The following KCNIP4 variants were observed in gnomAD, a reference collection of about 807,000 sequenced individuals.
KCNIP4 encodes Kv channel-interacting protein 4.
A neutral mutation model predicts 34.0 loss-of-function variants in KCNIP4; 12 were observed. The observed-to-expected ratio is 0.35, with a 90% CI of 0.23 to 0.57. KCNIP4 has a LOEUF of 0.57. KCNIP4 is among the 20% of genes least tolerant of loss of function. The pLI, the probability that KCNIP4 is intolerant of heterozygous loss-of-function variation, is 0.83. For synonymous variants in KCNIP4, 124 were observed against 102.2 expected (o/e 1.21, Z -1.29); for missense variants, 238 against 311.7 (o/e 0.76, Z 1.78).
At chr4:20,752,607 A>T (rs1011543521) in intron 4 of KCNIP4, 2 of 152,174 alleles carry the variant, frequency 1.3e-5, no homozygotes, top group African/African-American at 4.8e-5. Flanking sequence ...AATTTAATGC[A>T]ATTTTCTGCT....
At position 20,729,655 on chromosome 4, in the gene KCNIP4, T is replaced by A. The variant is rs1401769011; in HGVS notation, c.*427A>T. The A allele has an allele frequency of 7.2e-6, 1 of 139,482 alleles. No homozygotes were observed. The highest frequency in any genetic ancestry group is 1.6e-5 in the Non-Finnish European group (1 of 61,962). The allele number at this position is 139,482 out of a possible 1,614,324, so 8.6% of individuals were successfully genotyped here. A position where few individuals can be genotyped will look rare whatever the true frequency, so the allele number is the denominator to read the frequency against. The stretch of plus-strand genomic sequence containing the variant: ...TACAGCATTCAAACATGAAAATTAA[T>A]TTAATTTCTGGAAATTAAATGCAGA... On this transcript the variant is annotated 3_prime_UTR_variant, in exon 9 of 9. Transcript: ENST00000382152.
intron 1 of KCNIP4, among the ~76,000 whole-genome samples, chr4:21,135,032 T>C (rs1299692428): frequency 6.6e-6 from 1 of 152,176 alleles, no homozygotes; most frequent in Non-Finnish European, 1.5e-5. Context: ...GCTACAAAAT[T>C]CTCACATACG....
chr4:21,280,710 T>G (rs999806396), intron 1 of KCNIP4, among the ~76,000 whole-genome samples: 1 of 152,228 alleles, frequency 6.6e-6, no homozygotes, highest in Non-Finnish European at 1.5e-5. Flanking sequence ...GGTCACTAGA[T>G]CCTTGCAATG....
At chr4:21,564,167 T>C (rs576428726) in intron 1 of KCNIP4, among the ~76,000 whole-genome samples, 2 of 152,286 alleles carry the variant, frequency 1.3e-5, no homozygotes, top group East Asian at 3.9e-4. Flanking sequence ...GTAAAATAGA[T>C]TGTGGTTCTT....
intron 1 of KCNIP4, among the ~76,000 whole-genome samples, chr4:21,696,988 A>G (rs1053060462): frequency 3.0e-4 from 46 of 152,270 alleles, no homozygotes; most frequent in African/African-American, 1.1e-3. Context: ...CTGCAGGAAG[A>G]AAATCTGTGT....
chr4:21,834,761 T>A (rs1723213145), intron 1 of KCNIP4, among the ~76,000 whole-genome samples: 3 of 151,686 alleles, frequency 2.0e-5, no homozygotes. Flanking sequence ...TTTTGAAATA[T>A]GTCCCATCAA....
At chr4:21,913,229 AC>A (rs1267221904) in intron 1 of KCNIP4, among the ~76,000 whole-genome samples, 6 of 152,080 alleles carry the variant, frequency 3.9e-5, no homozygotes, top group Non-Finnish European at 7.4e-5. Context: ...CAGACCAGCT[AC>A]TTGGGAGGCT....
At chr4:21,756,234 T>C (rs1013043501) in intron 1 of KCNIP4, among the ~76,000 whole-genome samples, 5 of 152,194 alleles carry the variant, frequency 3.3e-5, no homozygotes, top group African/African-American at 9.6e-5. Context: ...GTTTACGTGC[T>C]GGTTTTAAAA....
chr4:20,759,161 CAT>C (rs768108747), intron 3 of KCNIP4, among the ~76,000 whole-genome samples: 21 of 152,184 alleles, frequency 1.4e-4, no homozygotes, highest in South Asian at 6.2e-4. Context: ...TTTAAGAACA[CAT>C]ATGTTTATTA....
rs576879116 is a variant in KCNIP4 at position 21,234,021 on chromosome 4, T to C, written c.62-351312A>G. 2.5e-5 allele frequency among the ~76,000 whole-genome samples: 3 copies of C among 120,988 alleles called. No homozygotes were observed. The South Asian group carries it at 7.4e-4, about 30-fold the overall frequency. 79.4% of individuals were successfully genotyped at this position (120,988 alleles called of 152,430 possible). A position where few individuals can be genotyped will look rare whatever the true frequency, so the allele number is the denominator to read the frequency against. On this transcript the variant is annotated intron_variant, in intron 1 of 8. Coordinates refer to ENST00000382152, the MANE Select transcript of KCNIP4 (RefSeq NM_025221.6). ...TATAATATATAACATATATAACATA[T>C]ATTATATATAACATATATAACATAT...
chr4:21,764,198 T>C (rs1718248308), intron 1 of KCNIP4, among the ~76,000 whole-genome samples: 1 of 152,098 alleles, frequency 6.6e-6, no homozygotes, highest in African/African-American at 2.4e-5. Context: ...TTTCAGACAA[T>C]TGCGTGGAGG....
chr4:21,317,097 C>T (rs781364313), intron 1 of KCNIP4, among the ~76,000 whole-genome samples: 10 of 152,196 alleles, frequency 6.6e-5, no homozygotes, highest in East Asian at 1.9e-4. Flanking sequence ...ACTTACAAGA[C>T]GATTTAGTGT....
At chr4:21,603,753 T>G (rs1743408904) in intron 1 of KCNIP4, among the ~76,000 whole-genome samples, 1 of 151,888 alleles carries the variant, frequency 6.6e-6, no homozygotes, top group Non-Finnish European at 1.5e-5. Context: ...TAGCGATGTG[T>G]CTTTCAATCC....
intron 1 of KCNIP4, among the ~76,000 whole-genome samples, chr4:21,711,221 C>G (rs946319787): frequency 3.3e-5 from 5 of 152,180 alleles, no homozygotes; most frequent in African/African-American, 9.7e-5. Context: ...CGCCTGTAAT[C>G]CCAGCACTTT....
At position 21,883,758 on chromosome 4, in the gene KCNIP4, GT is replaced by G. The variant is rs199933631; in HGVS notation, c.61+64812del. 8.7e-3 allele frequency among the ~76,000 whole-genome samples: 1,327 copies of G among 152,098 alleles called. 15 individuals carry two copies. Among genetic ancestry groups the G allele is most frequent in the South Asian group, 0.034 (164 of 4,826 alleles). ...AATAGGGTGGAGGTCTTTCCATAGT[GT>G]TTGTCTTTACATTTGTGACTAACAA... On this transcript the variant is annotated intron_variant, in intron 1 of 8. Transcript: ENST00000382152.
At chr4:20,975,844 G>C (rs1048034006) in intron 1 of KCNIP4, among the ~76,000 whole-genome samples, 20 of 152,114 alleles carry the variant, frequency 1.3e-4, no homozygotes, top group African/African-American at 4.6e-4. Flanking sequence ...TAAAATAATG[G>C]TTAAAAGGGC....
intron 1 of KCNIP4, among the ~76,000 whole-genome samples, chr4:21,298,534 C>G (rs1763974319): frequency 6.6e-6 from 1 of 152,028 alleles, no homozygotes; most frequent in African/African-American, 2.4e-5. Flanking sequence ...CAATCACCAG[C>G]CCTTCTCTGC....
At chr4:21,392,452 C>T (rs1407185186) in intron 1 of KCNIP4, among the ~76,000 whole-genome samples, 1 of 152,166 alleles carries the variant, frequency 6.6e-6, no homozygotes, top group Non-Finnish European at 1.5e-5. Flanking sequence ...CAAGATGGCA[C>T]TTTAGGAGTA....
intron 3 of KCNIP4, among the ~76,000 whole-genome samples, chr4:20,761,419 A>G (rs1011742133): frequency 4.6e-5 from 7 of 152,176 alleles, no homozygotes; most frequent in Non-Finnish European, 5.9e-5. Context: ...CATTTTGACT[A>G]TCTATCTAGC....
Sources: allele counts gnomAD v4.1 joint callset (sites outside exome capture counted in the v4.1 genomes callset), GRCh38; gene constraint gnomAD v4.1.1; transcripts MANE v1.5; gene names NCBI Gene and HGNC (gene_info 2026-07-23, HGNC 2026-07-21).